Variants in FOXJ3 observed in about 807,000 individuals in gnomAD.
FOXJ3 encodes forkhead box protein J3.
Under a neutral mutation model 76.1 loss-of-function variants are expected in FOXJ3, and 22 were observed. That is an observed-to-expected ratio of 0.29 (90% CI 0.21 to 0.41). The LOEUF is 0.41. Ranked by LOEUF, FOXJ3 falls within the 10% of genes least tolerant of loss-of-function variation. The pLI is 1.00. For missense variants in FOXJ3, 613 were observed against 762.1 expected (o/e 0.80, Z 2.30); for synonymous variants, 269 against 261.2 (o/e 1.03, Z -0.29).
At chr1:42,267,027 G>A (rs1651516775) in intron 3 of FOXJ3, among the ~76,000 whole-genome samples, 1 of 152,070 alleles carries the variant, frequency 6.6e-6, no homozygotes, top group South Asian at 2.1e-4. Context: ...ATCCTATACA[G>A]ATACCATGTA....
intron 4 of FOXJ3, among the ~76,000 whole-genome samples, chr1:42,243,263 G>C (rs746012744): frequency 6.6e-6 from 1 of 151,908 alleles, no homozygotes; most frequent in Non-Finnish European, 1.5e-5. Context: ...CTGGTAGAAC[G>C]AACATACAAA....
chr1:42,204,455 C>T lies in FOXJ3; in HGVS notation c.630+1307G>A, dbSNP rs534754099. ...TGGTCATAAAGTCCCATCATTACTA[C>T]TTCCTAATTGTTTCCTAGTAACCAC... is the stretch of plus-strand genomic sequence containing the variant. On this transcript the variant is annotated intron_variant, in intron 6 of 12. Coordinates refer to ENST00000361346, the MANE Select transcript of FOXJ3 (RefSeq NM_014947.5). Among the ~76,000 whole-genome samples the T allele has an allele frequency of 2.0e-5, 3 of 152,284 alleles. No homozygotes were observed. The East Asian group carries it at 5.8e-4, about 29-fold the overall frequency.
intron 4 of FOXJ3, among the ~76,000 whole-genome samples, chr1:42,232,943 C>A (rs1648282424): frequency 6.6e-6 from 1 of 151,168 alleles, no homozygotes; most frequent in African/African-American, 2.4e-5. Flanking sequence ...ACATATAAGT[C>A]TTTAATCCAT....
At chr1:42,301,518 ACTT>A (rs1333687112) in intron 2 of FOXJ3, among the ~76,000 whole-genome samples, 2 of 151,952 alleles carry the variant, frequency 1.3e-5, no homozygotes, top group Admixed American at 6.6e-5. Context: ...CACTTATTTT[ACTT>A]CTTTTTTTCT....
intron 3 of FOXJ3, among the ~76,000 whole-genome samples, chr1:42,272,932 C>T (rs1651967937): frequency 6.6e-6 from 1 of 152,156 alleles, no homozygotes. Context: ...CTTTGAAAAA[C>T]ACCTCCACAA....
In FOXJ3 at chr1:42,191,370, C is replaced by G; in HGVS notation, c.1284G>C (p.Pro428=). ...GTGTTAACGTCTGATGCTGATGGTT[C>G]GGATGGTGCTGTATGTGTTGATGTG... The part of the protein sequence containing the change: ...PSPHQHIQHH[P]NHQHQTLTHQ... The change falls in exon 9 of 13, where the codon CCG becomes CCC. Residue 428 remains proline, a synonymous_variant. Transcript: ENST00000361346. 1 of 1,589,698 alleles carries G rather than the reference C, an allele frequency of 6.3e-7. No individual in the cohort carries two copies. Among genetic ancestry groups the G allele is most frequent in the Non-Finnish European group, 8.6e-7 (1 of 1,162,926 alleles).
rs144557752 is a variant in FOXJ3 at position 42,299,847 on chromosome 1, G to A, written c.44+11203C>T. Reference sequence around the variant, plus strand: ...TGCTTGGACCCAGGAGGCAGAGGTCGCAGTGAGCCAAGATCATGCCACTGC... The same window carrying A: ...TGCTTGGACCCAGGAGGCAGAGGTCACAGTGAGCCAAGATCATGCCACTGC... On this transcript the variant is annotated intron_variant, in intron 2 of 12. Coordinates refer to ENST00000361346, the MANE Select transcript of FOXJ3 (RefSeq NM_014947.5). Among the ~76,000 whole-genome samples the A allele has an allele frequency of 5.1e-3, 782 of 152,112 alleles. 4 individuals are homozygous for A. Among genetic ancestry groups the A allele is most frequent in the African/African-American group, 0.014 (591 of 41,474 alleles).
At chr1:42,181,340 G>A (rs186741292) in intron 12 of FOXJ3, among the ~76,000 whole-genome samples, 28 of 152,268 alleles carry the variant, frequency 1.8e-4, no homozygotes, top group African/African-American at 6.0e-4. Context: ...AGAACCCAGC[G>A]GGAAAAGTGT....
chr1:42,296,254 T>C (rs756898002), intron 2 of FOXJ3, among the ~76,000 whole-genome samples: 5 of 152,260 alleles, frequency 3.3e-5, no homozygotes, highest in Non-Finnish European at 4.4e-5. Context: ...AGTAATCATT[T>C]GCAAACATTT....
At chr1:42,198,950 A>G in intron 7 of FOXJ3, 152 bp downstream of exon 7, 1 of 604,986 alleles carries the variant, frequency 1.7e-6, no homozygotes, top group Non-Finnish European at 2.9e-6. Flanking sequence ...ACAAGCTACA[A>G]TCTCCTCTAA....
chr1:42,227,987 T>A, intron 4 of FOXJ3, 21 bp from the exon 5 acceptor site: 2 of 1,303,210 alleles, frequency 1.5e-6, no homozygotes, highest in South Asian at 1.4e-5. Flanking sequence ...AGAAATTATA[T>A]TAACAGTATA....
At chr1:42,236,607 TAACACTAAAAATACAG>T (rs1008568987) in intron 4 of FOXJ3, among the ~76,000 whole-genome samples, 1 of 152,256 alleles carries the variant, frequency 6.6e-6, no homozygotes, top group African/African-American at 2.4e-5. Flanking sequence ...TTCATGTAAC[TAACACTAAAAATACAG>T]AACACTAAAA....
intron 7 of FOXJ3, among the ~76,000 whole-genome samples, chr1:42,198,232 T>C (rs553226083): frequency 1.3e-5 from 2 of 152,336 alleles, no homozygotes; most frequent in East Asian, 1.9e-4. Flanking sequence ...TTCTTCTCCA[T>C]TGTGGGATAA....
At chr1:42,226,745 T>C (rs1471916470) in intron 5 of FOXJ3, among the ~76,000 whole-genome samples, 2 of 152,262 alleles carry the variant, frequency 1.3e-5, no homozygotes, top group Non-Finnish European at 2.9e-5. Context: ...TCTTGATAAC[T>C]GGCTTACTGA....
intron 5 of FOXJ3, among the ~76,000 whole-genome samples, chr1:42,223,716 G>A (rs1647326258): frequency 6.6e-6 from 1 of 152,144 alleles, no homozygotes; most frequent in Non-Finnish European, 1.5e-5. Flanking sequence ...TCACATTTAT[G>A]TTACTTAATT....
intron 3 of FOXJ3, among the ~76,000 whole-genome samples, chr1:42,271,911 T>C (rs749986189): frequency 4.6e-5 from 7 of 152,222 alleles, no homozygotes; most frequent in Admixed American, 1.3e-4. Context: ...CCCAAAGTGC[T>C]GGGATTATAG....
intron 2 of FOXJ3, among the ~76,000 whole-genome samples, chr1:42,301,896 GT>G (rs1401232529): frequency 1.3e-5 from 2 of 152,008 alleles, no homozygotes; most frequent in African/African-American, 4.8e-5. Flanking sequence ...TAGTTTCAGA[GT>G]TGTTCCTCTG....
At chr1:42,191,805 A>G in intron 8 of FOXJ3, 86 bp from the exon 9 acceptor site, 1 of 1,419,122 alleles carries the variant, frequency 7.0e-7, no homozygotes, top group Non-Finnish European at 9.7e-7. Flanking sequence ...TAACAAAAGC[A>G]TATGATGCCA....
At chr1:42,312,094 A>C (rs1424712994) in intron 1 of FOXJ3, among the ~76,000 whole-genome samples, 15 of 152,176 alleles carry the variant, frequency 9.9e-5, no homozygotes, top group Admixed American at 9.8e-4. Flanking sequence ...GTCTGAAGGG[A>C]TCAGGGCTAT....
Sources: gnomAD v4.1 joint callset for allele counts (sites outside exome capture counted in the v4.1 genomes callset) on GRCh38, gnomAD v4.1.1 for gene constraint, MANE v1.5 for transcripts, NCBI Gene and HGNC (gene_info 2026-07-23, HGNC 2026-07-21) for gene names.